The following RBFOX1 variants were observed in gnomAD, a reference collection of about 807,000 sequenced individuals.
RBFOX1 encodes the protein RNA binding fox-1 homolog 1, also known as RNA binding protein fox-1 homolog 1.
In RBFOX1, 8 loss-of-function variants were observed where a neutral mutation model predicts 57.7. The observed-to-expected ratio is 0.14, with a 90% CI of 0.08 to 0.25. The LOEUF (loss-of-function observed/expected upper bound fraction) is 0.25, where lower values mean the gene tolerates loss of function less well. Ranked by LOEUF, RBFOX1 falls within the 10% of genes least tolerant of loss-of-function variation. RBFOX1 has a pLI of 1.00. For synonymous variants in RBFOX1, 326 were observed against 222.4 expected, an observed-to-expected ratio of 1.47 and a Z score of -4.15; for missense variants, 611 against 548.5, an observed-to-expected ratio of 1.11 and a Z score of -1.14.
At chr16:5,794,659 G>A (rs1406414409) in intron 3 of RBFOX1, among the ~76,000 whole-genome samples, 3 of 152,218 alleles carry the variant, frequency 2.0e-5, no homozygotes, top group East Asian at 1.9e-4. Flanking sequence ...TGGAGGAGTC[G>A]GGCGGCCCAG....
intron 4 of RBFOX1, among the ~76,000 whole-genome samples, chr16:5,960,590 T>C (rs2059728104): frequency 6.6e-6 from 1 of 152,122 alleles, no homozygotes; most frequent in African/African-American, 2.4e-5. Context: ...TTAGTGTTAA[T>C]CAGATTCATG....
chr16:5,646,001 A>T (rs927845590), intron 3 of RBFOX1, among the ~76,000 whole-genome samples: 4 of 151,688 alleles, frequency 2.6e-5, no homozygotes, highest in African/African-American at 9.7e-5. Context: ...GCACCTGGCT[A>T]ATTTGTTTGT....
At chr16:6,511,457 A>G (rs1236265305) in intron 2 of RBFOX1, among the ~76,000 whole-genome samples, 1 of 152,184 alleles carries the variant, frequency 6.6e-6, no homozygotes, top group South Asian at 2.1e-4. Flanking sequence ...CTGGACTGAC[A>G]TGGGAGAATT....
intron 1 of RBFOX1, among the ~76,000 whole-genome samples, chr16:6,180,385 A>C (rs1360028565): frequency 1.3e-5 from 2 of 151,682 alleles, no homozygotes; most frequent in African/African-American, 4.8e-5. Flanking sequence ...TTTTCATTTT[A>C]TCTAGGTTAT....
At chr16:6,408,326 G>T (rs951012999) in intron 2 of RBFOX1, among the ~76,000 whole-genome samples, 2 of 152,140 alleles carry the variant, frequency 1.3e-5, no homozygotes, top group Non-Finnish European at 2.9e-5. Context: ...TAAGGAATAA[G>T]GTGTGTGTGC....
Position 7,664,911 on chromosome 16 carries a change from G to T in RBFOX1, c.891-18G>T, listed in dbSNP as rs370864335. ...TGCACTAATATGGATGTTTCTCTTT[G>T]TGTGTGCACCCTTGCAGTGTTGTTT... On this transcript the variant is annotated intron_variant, in intron 12 of 15. Coordinates refer to ENST00000550418, the MANE Select transcript of RBFOX1 (RefSeq NM_018723.4). 6 of 1,613,912 alleles carry T rather than the reference G, an allele frequency of 3.7e-6. No individual in the cohort carries two copies. In the African/African-American group the frequency reaches 8.0e-5, roughly 22 times the overall value.
chr16:6,929,261 A>G (rs943658841), intron 3 of RBFOX1, among the ~76,000 whole-genome samples: 1 of 152,130 alleles, frequency 6.6e-6, no homozygotes, highest in Admixed American at 6.6e-5. Context: ...AGATATTGCT[A>G]AGGGTTGGAT....
At chr16:6,447,720 G>C (rs2094512513) in intron 2 of RBFOX1, among the ~76,000 whole-genome samples, 1 of 152,194 alleles carries the variant, frequency 6.6e-6, no homozygotes, top group Non-Finnish European at 1.5e-5. Flanking sequence ...AAAGCCGCCT[G>C]TATGCCACAC....
At position 5,895,514 on chromosome 16, in the gene RBFOX1, T is replaced by C. The variant is rs529402408; in HGVS notation, c.351+28179T>C. On this transcript the variant is annotated intron_variant, in intron 4 of 19. Coordinates refer to the RBFOX1 transcript ENST00000641259. ...AGTGCCAGAGGACTCTGCGTTTTCATTCGGAAATGATAACTTGGCAGCCTG... is the reference window on the plus strand; with the variant it reads ...AGTGCCAGAGGACTCTGCGTTTTCACTCGGAAATGATAACTTGGCAGCCTG... Among the ~76,000 whole-genome samples the C allele has an allele frequency of 4.2e-4, 64 of 152,314 alleles. 1 individual carries two copies. The highest frequency in any genetic ancestry group is 9.2e-4 in the Admixed American group (14 of 15,290).
rs572059396 is a variant in RBFOX1 at position 7,690,441 on chromosome 16, A to T, written c.995+13603A>T. ...TTTAGAAGTGCACCAATTATTTACA[A>T]TGTGCAGCCAAGGTTGAGAACGACT... On this transcript the variant is annotated intron_variant, in intron 14 of 15. Transcript: ENST00000550418. Among the ~76,000 whole-genome samples the T allele has an allele frequency of 1.2e-4, 18 of 152,216 alleles. No homozygotes were observed. The South Asian group carries it at 3.5e-3, about 30-fold the overall frequency.
At chr16:6,126,760 C>G (rs1056507853) in intron 1 of RBFOX1, among the ~76,000 whole-genome samples, 1 of 152,030 alleles carries the variant, frequency 6.6e-6, no homozygotes, top group Admixed American at 6.6e-5. Context: ...TAATAGTCAA[C>G]ATGTATGTAT....
At chr16:6,950,326 G>A (rs112626891) in intron 3 of RBFOX1, among the ~76,000 whole-genome samples, 1 of 151,872 alleles carries the variant, frequency 6.6e-6, no homozygotes, top group Non-Finnish European at 1.5e-5. Context: ...CACACCCATT[G>A]CTTTATCCCA....
chr16:5,908,189 C>CACACAT (rs1555443834), intron 4 of RBFOX1, among the ~76,000 whole-genome samples: 47 of 90,118 alleles, frequency 5.2e-4, no homozygotes, highest in Admixed American at 1.6e-3. Context: ...CATATATACA[C>CACACAT]ATATATACAT....
intron 3 of RBFOX1, among the ~76,000 whole-genome samples, chr16:6,663,365 C>T (rs1006755743): frequency 6.6e-6 from 1 of 152,154 alleles, no homozygotes; most frequent in Non-Finnish European, 1.5e-5. Context: ...TGGTTTAGGG[C>T]TTATATGCCA....
chr16:6,418,883 A>G (rs2093698990), intron 2 of RBFOX1, among the ~76,000 whole-genome samples: 1 of 152,068 alleles, frequency 6.6e-6, no homozygotes, highest in Admixed American at 6.6e-5. Flanking sequence ...CCTGAGTATT[A>G]CCTGAAAGTC....
chr16:6,940,801 TG>T (rs2078266372), intron 3 of RBFOX1, among the ~76,000 whole-genome samples: 8 of 127,168 alleles, frequency 6.3e-5, no homozygotes, highest in African/African-American at 1.7e-4. Context: ...TGTGTGTGTG[TG>T]TGTGTGTGTA....
chr16:6,621,266 C>A (rs1047164760), intron 2 of RBFOX1, among the ~76,000 whole-genome samples: 1 of 152,086 alleles, frequency 6.6e-6, no homozygotes, highest in African/African-American at 2.4e-5. Flanking sequence ...TGGAGAGTAT[C>A]TTGGCTAACA....
At chr16:7,705,918 C>CACTACTGCCCACTTTGGCCAG (rs1568586261) in intron 14 of RBFOX1, among the ~76,000 whole-genome samples, 1 of 152,188 alleles carries the variant, frequency 6.6e-6, no homozygotes, top group African/African-American at 2.4e-5. Flanking sequence ...GATCTGACTG[C>CACTACTGCCCACTTTGGCCAG]ACTACTGCCC....
chr16:6,025,357 A>T (rs1282416749), intron 1 of RBFOX1, among the ~76,000 whole-genome samples: 1 of 152,132 alleles, frequency 6.6e-6, no homozygotes, highest in Non-Finnish European at 1.5e-5. Context: ...AAGAAGAGGG[A>T]TTACTTTATA....
Sources: allele counts gnomAD v4.1 joint callset (sites outside exome capture counted in the v4.1 genomes callset), GRCh38; gene constraint gnomAD v4.1.1; transcripts MANE v1.5; gene names NCBI Gene and HGNC (gene_info 2026-07-23, HGNC 2026-07-21).